GPC6: variants seen among roughly 807,000 people sequenced by gnomAD.
GPC6 encodes glypican-6.
In GPC6, 14 loss-of-function variants were observed where a neutral mutation model predicts 55.2. That is an observed-to-expected ratio of 0.25 (90% CI 0.17 to 0.40). The LOEUF (loss-of-function observed/expected upper bound fraction) is 0.40. Among genes scored for constraint, GPC6 ranks in the 10% least tolerant of loss-of-function variants. The pLI is 1.00. For synonymous variants in GPC6, 278 were observed against 259.6 expected (o/e 1.07, Z -0.68); for missense variants, 641 against 708.5 (o/e 0.90, Z 1.08).
intron 2 of GPC6, among the ~76,000 whole-genome samples, chr13:93,632,754 A>G (rs9561417): frequency 0.46 from 69,682 of 151,162 alleles, 18,262 homozygotes; most frequent in Middle Eastern, 0.64. Context: ...ACTGCCACCA[A>G]TATGTCTTTA....
At chr13:93,881,049 G>T (rs1874936657) in intron 3 of GPC6, among the ~76,000 whole-genome samples, 1 of 151,960 alleles carries the variant, frequency 6.6e-6, no homozygotes, top group Non-Finnish European at 1.5e-5. Context: ...CTGCTATTTT[G>T]CTGCTCTTTG....
chr13:93,227,594 C>T lies in GPC6; in HGVS notation c.138C>T (p.Asp46=), dbSNP rs544952623. 4 of 1,607,798 alleles carry T rather than the reference C, an allele frequency of 2.5e-6. No homozygotes were observed. The African/African-American group carries it at 4.0e-5, about 16-fold the overall frequency. ...GTGCCAAGGGATTCAGCCTGGCGGA[C>T]ATCCCCTACCAGGAGATCGCAGGTA... is the stretch of plus-strand genomic sequence containing the variant. The part of the protein sequence containing the change: ...AYGAKGFSLA[D]IPYQEIAGEH... Residue 46 remains aspartate (D), a synonymous_variant, in exon 1 of 9, where the codon GAC becomes GAT. Coordinates refer to ENST00000377047, the MANE Select transcript of GPC6 (RefSeq NM_005708.5). The surrounding 1 kb of genome is among the most constrained non-coding windows in gnomAD (Gnocchi z 4.3).
intron 2 of GPC6, among the ~76,000 whole-genome samples, chr13:93,763,396 T>A (rs1258652095): frequency 6.6e-6 from 1 of 152,204 alleles, no homozygotes; most frequent in Non-Finnish European, 1.5e-5. Context: ...TGGCTCTTTC[T>A]GTGCAGATGG....
intron 3 of GPC6, among the ~76,000 whole-genome samples, chr13:93,973,511 G>A (rs189541763): frequency 6.6e-6 from 1 of 151,864 alleles, no homozygotes; most frequent in Non-Finnish European, 1.5e-5. Flanking sequence ...CCAAAAAAAG[G>A]CATGATCTCT....
chr13:93,395,307 C>T, intron 1 of GPC6: 1 of 483,384 alleles, frequency 2.1e-6, no homozygotes, highest in South Asian at 2.0e-5. Flanking sequence ...GAAGCACCAG[C>T]CATCTCTTGC....
rs184955952 is a variant in GPC6, at chr13:93,854,534, A to G, written c.711+23989A>G. 4.5e-4 allele frequency among the ~76,000 whole-genome samples: 68 copies of G among 151,870 alleles called. No homozygotes were observed. In the East Asian group the frequency reaches 0.013, roughly 29 times the overall value. On this transcript the variant is annotated intron_variant, in intron 3 of 8. Transcript: ENST00000377047. ...TTAAATTTTCACTGGTAATCCACTGAAATCACACGTGAAGATTTTCTTTGA... is the reference window on the plus strand; with the variant it reads ...TTAAATTTTCACTGGTAATCCACTGGAATCACACGTGAAGATTTTCTTTGA...
chr13:93,307,083 G>T (rs1878884620), intron 1 of GPC6, among the ~76,000 whole-genome samples: 1 of 151,832 alleles, frequency 6.6e-6, no homozygotes, highest in Non-Finnish European at 1.5e-5. Flanking sequence ...AGTGAAAGAG[G>T]TATCCTAGTT....
intron 6 of GPC6, among the ~76,000 whole-genome samples, chr13:94,354,312 A>G (rs1878689181): frequency 6.6e-6 from 1 of 151,822 alleles, no homozygotes; most frequent in Non-Finnish European, 1.5e-5. Flanking sequence ...AGTGTCTACC[A>G]TGTGTTCAAC....
intron 1 of GPC6, among the ~76,000 whole-genome samples, chr13:93,382,802 C>G (rs528946743): frequency 9.9e-5 from 15 of 152,230 alleles, no homozygotes; most frequent in African/African-American, 3.4e-4. Flanking sequence ...CTAAGCTAAT[C>G]TTTGGGGTTA....
chr13:93,515,102 T>C (rs961200173), intron 1 of GPC6, among the ~76,000 whole-genome samples: 2 of 152,160 alleles, frequency 1.3e-5, no homozygotes, highest in African/African-American at 4.8e-5. Flanking sequence ...TCTCTCTTGC[T>C]ATCTCCACTG....
intron 2 of GPC6, among the ~76,000 whole-genome samples, chr13:93,798,465 G>A (rs9516290): frequency 0.28 from 42,313 of 151,924 alleles, 5,990 homozygotes; most frequent in Non-Finnish European, 0.29. Flanking sequence ...GTCCAATTCA[G>A]TTAGATTTTG....
intron 1 of GPC6, among the ~76,000 whole-genome samples, chr13:93,414,189 G>A (rs926281804): frequency 6.6e-6 from 1 of 152,080 alleles, no homozygotes; most frequent in African/African-American, 2.4e-5. Flanking sequence ...AGGTACTTCT[G>A]CTTTGTTCAT....
chr13:93,891,735 A>G (rs1036667839), intron 3 of GPC6, among the ~76,000 whole-genome samples: 6 of 151,998 alleles, frequency 3.9e-5, no homozygotes, highest in Admixed American at 1.3e-4. Context: ...GTGTGTGTGT[A>G]TGTATACATA....
At chr13:93,258,528 G>T (rs1204288558) in intron 1 of GPC6, among the ~76,000 whole-genome samples, 1 of 152,032 alleles carries the variant, frequency 6.6e-6, no homozygotes, top group East Asian at 1.9e-4. Flanking sequence ...TCACCCCCAA[G>T]TTTCTGTAAA....
intron 6 of GPC6, among the ~76,000 whole-genome samples, chr13:94,372,418 G>A (rs1003057062): frequency 6.6e-6 from 1 of 152,192 alleles, no homozygotes; most frequent in African/African-American, 2.4e-5. Context: ...AAGGGGTCAG[G>A]GAGTTCCCTT....
At chr13:94,347,144 G>A (rs1004310663) in intron 6 of GPC6, among the ~76,000 whole-genome samples, 14 of 152,156 alleles carry the variant, frequency 9.2e-5, no homozygotes, top group South Asian at 6.2e-4. Flanking sequence ...TCAGATGCAC[G>A]ATTCGAGAGT....
rs768322954 is a variant in GPC6 at position 94,398,525 on chromosome 13, A to G, written c.1349A>G (p.Asp450Gly). 1 of 1,613,434 alleles carries G rather than the reference A, an allele frequency of 6.2e-7. No homozygotes were observed. The highest frequency in any genetic ancestry group is 8.5e-7 in the Non-Finnish European group (1 of 1,179,316). Residue 450 changes from aspartate to glycine, a missense_variant, in exon 8 of 9, where the codon GAT (aspartate) becomes GGT (glycine). By Grantham distance (94) the Asp-to-Gly change is moderately conservative (BLOSUM62 -1). Coordinates refer to ENST00000377047, the MANE Select transcript of GPC6 (RefSeq NM_005708.5). The part of the protein sequence containing the change: ...LTNQINNPEV[D>G]VDITRPDTFI... Reference sequence around the variant, plus strand: ...AACCAGATCAACAATCCCGAGGTGGATGTGGACATCACTCGGCCTGACACT... The same window carrying G: ...AACCAGATCAACAATCCCGAGGTGGGTGTGGACATCACTCGGCCTGACACT...
chr13:93,544,405 C>G (rs1874645434), intron 1 of GPC6, among the ~76,000 whole-genome samples: 1 of 152,062 alleles, frequency 6.6e-6, no homozygotes, highest in African/African-American at 2.4e-5. Context: ...ATAGCAGGAG[C>G]AATTTGTTGG....
At chr13:94,142,420 CT>C (rs1179967535) in intron 4 of GPC6, among the ~76,000 whole-genome samples, 1 of 152,272 alleles carries the variant, frequency 6.6e-6, no homozygotes, top group East Asian at 1.9e-4. Context: ...AGTATACGTT[CT>C]AGTAAACCTT....
Sources: gnomAD v4.1 joint callset for allele counts (sites outside exome capture counted in the v4.1 genomes callset) on GRCh38, gnomAD v4.1.1 for gene constraint, Gnocchi (gnomAD v3.1) non-coding constraint, MANE v1.5 for transcripts, NCBI Gene and HGNC (gene_info 2026-07-23, HGNC 2026-07-21) for gene names.